The following RASAL2 variants were observed in gnomAD, a reference collection of about 807,000 sequenced individuals.
RASAL2 encodes ras GTPase-activating protein nGAP.
A neutral mutation model predicts 128.9 loss-of-function variants in RASAL2; 58 were observed. That is an observed-to-expected ratio of 0.45 (90% CI 0.36 to 0.56). The LOEUF is 0.56. Among genes scored for constraint, RASAL2 ranks in the 20% least tolerant of loss-of-function variants. The pLI is 0.00. For synonymous variants in RASAL2, 561 were observed against 580.8 expected (o/e 0.97, Z 0.49); for missense variants, 1,360 against 1,601.6 (o/e 0.85, Z 2.57).
At chr1:178,100,047 G>T (rs1306739663) in intron 1 of RASAL2, among the ~76,000 whole-genome samples, 1 of 152,030 alleles carries the variant, frequency 6.6e-6, no homozygotes, top group East Asian at 1.9e-4. Context: ...CAGAAAAGTT[G>T]CATACAGTCT....
intron 3 of RASAL2, among the ~76,000 whole-genome samples, chr1:178,335,845 T>G (rs1377230607): frequency 6.6e-6 from 1 of 152,012 alleles, no homozygotes. Flanking sequence ...AAACCTAATT[T>G]GGAACAATAT....
chr1:178,353,733 C>G (rs555013665), intron 3 of RASAL2, among the ~76,000 whole-genome samples: 1 of 152,194 alleles, frequency 6.6e-6, no homozygotes, highest in Non-Finnish European at 1.5e-5. Flanking sequence ...AGTGACTATA[C>G]GTCACCTTGG....
intron 5 of RASAL2, among the ~76,000 whole-genome samples, chr1:178,425,423 TGA>T (rs983198056): frequency 3.3e-5 from 5 of 152,118 alleles, no homozygotes; most frequent in Admixed American, 3.3e-4. Context: ...AGGAAAAATA[TGA>T]GAGATAGATT....
rs60835442 is a variant in RASAL2, at chr1:178,373,274, C to CTTTTTTTTTTTTTTTTTTTTTTTTTTTTT, written c.458-16811_458-16810insTTTTTTTTTTTTTTTTTTTTTTTTTTTTT. ...TCAATCTTAGCATTCTGTTTCTTTC[C>CTTTTTTTTTTTTTTTTTTTTTTTTTTTTT]TTTTTTTTTTTTTTTGCAGTTTAGA... On this transcript the variant is annotated intron_variant, in intron 3 of 17. Coordinates refer to ENST00000367649, the MANE Select transcript of RASAL2 (RefSeq NM_170692.4). 1.3e-3 allele frequency among the ~76,000 whole-genome samples: 78 copies of CTTTTTTTTTTTTTTTTTTTTTTTTTTTTT among 60,036 alleles called. 8 individuals carry two copies. Among genetic ancestry groups the CTTTTTTTTTTTTTTTTTTTTTTTTTTTTT allele is most frequent in the African/African-American group, 1.7e-3 (23 of 13,468 alleles). The allele number at this position is 60,036 out of a possible 152,430, so 39.4% of individuals were successfully genotyped here.
At chr1:178,107,179 G>C (rs1360533296) in intron 1 of RASAL2, among the ~76,000 whole-genome samples, 1 of 152,146 alleles carries the variant, frequency 6.6e-6, no homozygotes, top group Non-Finnish European at 1.5e-5. Flanking sequence ...GGTGATGTGA[G>C]ATGATTACTA....
intron 1 of RASAL2, among the ~76,000 whole-genome samples, chr1:178,166,405 A>G (rs988162478): frequency 1.3e-5 from 2 of 152,198 alleles, no homozygotes; most frequent in African/African-American, 4.8e-5. Context: ...CTCTTGGACT[A>G]TTTAATAGTT....
At chr1:178,145,571 G>A (rs200434148) in intron 1 of RASAL2, among the ~76,000 whole-genome samples, 64 of 97,498 alleles carry the variant, frequency 6.6e-4, no homozygotes, top group Middle Eastern at 5.8e-3. Context: ...AAAAAAAAAA[G>A]GGGGAGTATA....
chr1:178,139,889 G>A (rs1571533016), intron 1 of RASAL2, among the ~76,000 whole-genome samples: 1 of 151,944 alleles, frequency 6.6e-6, no homozygotes, highest in East Asian at 1.9e-4. Flanking sequence ...GTGAAAACCA[G>A]AGCACTTTAT....
At chr1:178,149,890 C>T (rs1167213580) in intron 1 of RASAL2, among the ~76,000 whole-genome samples, 3 of 152,128 alleles carry the variant, frequency 2.0e-5, no homozygotes, top group African/African-American at 7.2e-5. Context: ...AACAATTAGA[C>T]TAGGAATGAT....
intron 1 of RASAL2, among the ~76,000 whole-genome samples, chr1:178,270,625 CTCTTT>C (rs1384753381): frequency 7.6e-6 from 1 of 131,918 alleles, no homozygotes; most frequent in African/African-American, 3.5e-5. Flanking sequence ...TTCTGTGTCT[CTCTTT>C]TTTTTTTTTT....
chr1:178,416,467 T>A (rs1252556912), intron 4 of RASAL2, among the ~76,000 whole-genome samples: 1 of 152,036 alleles, frequency 6.6e-6, no homozygotes, highest in Non-Finnish European at 1.5e-5. Flanking sequence ...GCATACATAA[T>A]TAAATACATT....
chr1:178,240,348 A>G (rs1409293215), intron 1 of RASAL2, among the ~76,000 whole-genome samples: 1 of 152,090 alleles, frequency 6.6e-6, no homozygotes, highest in Non-Finnish European at 1.5e-5. Flanking sequence ...GTTTAGCCAA[A>G]AGGAACTTAA....
At chr1:178,278,526 A>G (rs768815651) in intron 1 of RASAL2, among the ~76,000 whole-genome samples, 3 of 152,168 alleles carry the variant, frequency 2.0e-5, no homozygotes, top group Non-Finnish European at 4.4e-5. Flanking sequence ...TTAACATATC[A>G]TGTCAGAATT....
rs1355180628 is a variant in RASAL2, at chr1:178,118,008, C to CA, written c.202+23320dup. On this transcript the variant is annotated intron_variant, in intron 1 of 17. Coordinates refer to ENST00000367649, the MANE Select transcript of RASAL2 (RefSeq NM_170692.4). ...GATGAAACTCCGTCTCGACTAAATACAAAAAATTAGCTGGGCACGGTGGCT... is the reference window on the plus strand; with the variant it reads ...GATGAAACTCCGTCTCGACTAAATACAAAAAAATTAGCTGGGCACGGTGGCT... 5.9e-5 allele frequency among the ~76,000 whole-genome samples: 9 copies of CA among 151,856 alleles called. No homozygotes were observed. The East Asian group carries it at 1.7e-3, about 30-fold the overall frequency.
intron 1 of RASAL2, among the ~76,000 whole-genome samples, chr1:178,178,836 A>G (rs1265203865): frequency 2.0e-5 from 3 of 152,218 alleles, no homozygotes; most frequent in Non-Finnish European, 4.4e-5. Context: ...CTTTTCATTT[A>G]AAAATCCTAA....
chr1:178,288,608 G>C (rs1042414655), intron 2 of RASAL2, among the ~76,000 whole-genome samples: 9 of 140,538 alleles, frequency 6.4e-5, no homozygotes, highest in Non-Finnish European at 1.2e-4. Context: ...CTTTCTATCA[G>C]ATCATTCCCA....
At chr1:178,464,831 G>GTTTTTTTTTTGTTTTT (rs1647492004) in intron 15 of RASAL2, among the ~76,000 whole-genome samples, 1 of 38,198 alleles carries the variant, frequency 2.6e-5, no homozygotes, top group Non-Finnish European at 4.4e-5. Context: ...GGTTTTAGTT[G>GTTTTTTTTTTGTTTTT]TTTTTTTTTT....
intron 3 of RASAL2, among the ~76,000 whole-genome samples, chr1:178,344,085 G>A (rs1031220613): frequency 6.6e-6 from 1 of 152,016 alleles, no homozygotes; most frequent in Non-Finnish European, 1.5e-5. Flanking sequence ...TTTCTTGAAG[G>A]CAGACCTATT....
chr1:178,338,884 A>G (rs960923077), intron 3 of RASAL2, among the ~76,000 whole-genome samples: 1 of 152,362 alleles, frequency 6.6e-6, no homozygotes, highest in East Asian at 1.9e-4. Flanking sequence ...TTGAAAATTC[A>G]GTATATTGTT....
Sources: gnomAD v4.1 joint callset for allele counts (sites outside exome capture counted in the v4.1 genomes callset) on GRCh38, gnomAD v4.1.1 for gene constraint, MANE v1.5 for transcripts, NCBI Gene and HGNC (gene_info 2026-07-23, HGNC 2026-07-21) for gene names.